Variants in GRIP1 observed in about 807,000 individuals in gnomAD.
GRIP1 encodes glutamate receptor interacting protein 1.
GRIP1 carries 45 observed loss-of-function variants against 129.9 expected under a neutral mutation model. The ratio of observed to expected loss-of-function variants is 0.35; its 90% confidence interval spans 0.27 to 0.44. The LOEUF is 0.44. GRIP1 is among the 20% of genes least tolerant of loss of function. The probability of loss-of-function intolerance (pLI) is 1.00; values close to 1 mark genes in which losing one functional copy is unlikely to be tolerated. For missense variants in GRIP1, 1,196 were observed against 1,396.8 expected (o/e 0.86, Z 2.29); for synonymous variants, 530 against 520.8 (o/e 1.02, Z -0.24).
chr12:66,593,664 C>T, intron 2 of GRIP1, among the ~76,000 whole-genome samples: 1 of 152,084 alleles, frequency 6.6e-6, no homozygotes, highest in East Asian at 1.9e-4. Flanking sequence ...TGCATTCCAC[C>T]CCATTCATCA....
intron 1 of GRIP1, among the ~76,000 whole-genome samples, chr12:66,649,911 C>T (rs991123232): frequency 6.6e-6 from 1 of 152,080 alleles, no homozygotes; most frequent in Non-Finnish European, 1.5e-5. Flanking sequence ...TGTTATGAAC[C>T]AAAGTGGTGT....
At chr12:66,958,184 C>T (rs1005355667) in intron 1 of GRIP1, among the ~76,000 whole-genome samples, 6 of 152,140 alleles carry the variant, frequency 3.9e-5, no homozygotes, top group Non-Finnish European at 8.8e-5. Context: ...CTGTCACCCA[C>T]GCTACAGTGC....
At chr12:66,526,461 A>G (rs1157233749) in intron 5 of GRIP1, among the ~76,000 whole-genome samples, 2 of 152,072 alleles carry the variant, frequency 1.3e-5, no homozygotes, top group Non-Finnish European at 2.9e-5. Flanking sequence ...GGTGCTGGGA[A>G]AACTGGCTAG....
Position 66,574,908 on chromosome 12 carries a change from A to G in GRIP1, c.136+21939T>C, listed in dbSNP as rs112705127. Among the ~76,000 whole-genome samples, 764 of 151,528 alleles carry G rather than the reference A, an allele frequency of 5.0e-3. 7 individuals are homozygous for G. Among genetic ancestry groups the G allele is most frequent in the African/African-American group, 0.018 (734 of 41,322 alleles). ...TTATGCCTCATCTTCCTGGTATAAC[A>G]GGCACCCAGCCACCATGCCCAGCTA... On this transcript the variant is annotated intron_variant, in intron 2 of 24. Coordinates refer to ENST00000359742, the MANE Select transcript of GRIP1 (RefSeq NM_001366722.1).
chr12:66,865,597 A>G lies in GRIP1; in HGVS notation c.58+203453T>C, dbSNP rs1232989757. ...TGTTCATTACTCCATCCATCCATGC[A>G]TCCATCCATCCAACCATCCATCCAT... On this transcript the variant is annotated intron_variant, in intron 1 of 1. Coordinates refer to the GRIP1 transcript ENST00000643019. Among the ~76,000 whole-genome samples, 3 of 76,280 alleles carry G rather than the reference A, an allele frequency of 3.9e-5. No homozygotes were observed. The East Asian group carries it at 7.1e-4, about 18-fold the overall frequency. The allele number at this position is 76,280 out of a possible 152,430, so 50.0% of individuals were successfully genotyped here. A position where few individuals can be genotyped will look rare whatever the true frequency, so the allele number is the denominator to read the frequency against.
At chr12:66,563,043 G>A (rs968422208) in intron 2 of GRIP1, among the ~76,000 whole-genome samples, 2 of 151,790 alleles carry the variant, frequency 1.3e-5, no homozygotes, top group Non-Finnish European at 2.9e-5. Context: ...CTATCTCGGG[G>A]GTGGCAGAGG....
At chr12:66,899,777 A>G (rs183469990) in intron 1 of GRIP1, among the ~76,000 whole-genome samples, 1 of 152,172 alleles carries the variant, frequency 6.6e-6, no homozygotes, top group East Asian at 1.9e-4. Flanking sequence ...TCCCACAACT[A>G]CTGCAATGAG....
chr12:66,657,245 G>C (rs1565946519), intron 1 of GRIP1, among the ~76,000 whole-genome samples: 1 of 151,850 alleles, frequency 6.6e-6, no homozygotes, highest in Non-Finnish European at 1.5e-5. Context: ...AGATGATGAT[G>C]AGAAGTAGCT....
chr12:66,465,414 C>G lies in GRIP1; in HGVS notation c.733G>C (p.Ala245Pro). ...EYDVSVMDSV[A>P]TASGPLLVEV... ...ACTAGTAGTGGCCCGGATGCTGTTG[C>G]CACAGAGTCTGTCAAAGAACAAATT... Residue 245 changes from alanine (A) to proline (P), a missense_variant, in exon 8 of 25, where the codon GCA (alanine) becomes CCA (proline). Transcript: ENST00000359742. 1 of 1,613,540 alleles carries G rather than the reference C, an allele frequency of 6.2e-7. No individual in the cohort carries two copies. The highest frequency in any genetic ancestry group is 8.5e-7 in the Non-Finnish European group (1 of 1,179,518).
intron 1 of GRIP1, among the ~76,000 whole-genome samples, chr12:66,787,826 C>T (rs1243608903): frequency 6.6e-6 from 1 of 152,050 alleles, no homozygotes. Flanking sequence ...AAGATACCCC[C>T]CAAAAGCAAA....
rs73333069 is a variant in GRIP1 at position 66,954,995 on chromosome 12, A to G, written c.58+114055T>C. Among the ~76,000 whole-genome samples, 573 of 152,232 alleles carry G rather than the reference A, an allele frequency of 3.8e-3. 5 individuals carry two copies. Among genetic ancestry groups the G allele is most frequent in the African/African-American group, 0.013 (555 of 41,536 alleles). ...AAAGTGCCACTTGAGCAAAGCCCCAAAGGAGATGAAGGAGTTAGCCATGAA... is the reference window on the plus strand; with the variant it reads ...AAAGTGCCACTTGAGCAAAGCCCCAGAGGAGATGAAGGAGTTAGCCATGAA... On this transcript the variant is annotated intron_variant, in intron 1 of 1. Transcript: ENST00000643019.
chr12:67,065,071 A>G (rs2135902271), intron 1 of GRIP1: 1 of 152,144 alleles, frequency 6.6e-6, no homozygotes, highest in Non-Finnish European at 1.5e-5. Context: ...GTCCCTACAA[A>G]GGACATGAAC....
intron 1 of GRIP1, among the ~76,000 whole-genome samples, chr12:67,035,914 A>C (rs1356456069): frequency 6.6e-6 from 1 of 152,192 alleles, no homozygotes; most frequent in Admixed American, 6.5e-5. Context: ...AAAAGTGAGG[A>C]AAAATGCTAC....
At chr12:66,882,202 T>TG (rs1350647655) in intron 1 of GRIP1, among the ~76,000 whole-genome samples, 5 of 69,282 alleles carry the variant, frequency 7.2e-5, no homozygotes, top group Non-Finnish European at 1.5e-4. Context: ...ACACATAGTG[T>TG]GCCATCACAA....
chr12:66,790,896 G>A (rs1178943977), intron 1 of GRIP1, among the ~76,000 whole-genome samples: 1 of 152,160 alleles, frequency 6.6e-6, no homozygotes, highest in African/African-American at 2.4e-5. Context: ...TAAGGGGAAG[G>A]AGCGGGAGGA....
At chr12:66,358,203 G>A (rs574863596) in intron 23 of GRIP1, among the ~76,000 whole-genome samples, 2 of 152,164 alleles carry the variant, frequency 1.3e-5, no homozygotes, top group South Asian at 2.1e-4. Context: ...CCTATTCAAC[G>A]CATTTCAATC....
rs1462810947 is a variant in GRIP1, at chr12:66,371,716, G to A, written c.2990C>T (p.Pro997Leu). The A allele has an allele frequency of 3.1e-6, 5 of 1,611,524 alleles. No homozygotes were observed. The highest frequency in any genetic ancestry group is 4.2e-6 in the Non-Finnish European group (5 of 1,177,586). Residue 997 changes from proline (P) to leucine (L), a missense_variant, in exon 23 of 25, where the codon CCA becomes CTA. Coordinates refer to ENST00000359742, the MANE Select transcript of GRIP1 (RefSeq NM_001366722.1). ...GACCTTGTGCAGCTCCACAGGAGTTGGAGACATGATCTCCTTTATTTCTTG... is the reference window on the plus strand; with the variant it reads ...GACCTTGTGCAGCTCCACAGGAGTTAGAGACATGATCTCCTTTATTTCTTG... ...MKQEIKEIMSPTPVELHKVTL... is the reference protein window; with the variant it reads ...MKQEIKEIMSLTPVELHKVTL...
chr12:66,666,512 T>C (rs1349424976), intron 1 of GRIP1, among the ~76,000 whole-genome samples: 2 of 152,188 alleles, frequency 1.3e-5, no homozygotes, highest in African/African-American at 4.8e-5. Context: ...ATTAAAATTC[T>C]ATCATATTAT....
chr12:66,430,669 G>C (rs986891972), intron 14 of GRIP1, among the ~76,000 whole-genome samples: 1 of 152,156 alleles, frequency 6.6e-6, no homozygotes, highest in Non-Finnish European at 1.5e-5. Context: ...GGTATTTTTA[G>C]ATGGATACTT....
Sources: allele counts gnomAD v4.1 joint callset (sites outside exome capture counted in the v4.1 genomes callset), GRCh38; gene constraint gnomAD v4.1.1; transcripts MANE v1.5; gene names NCBI Gene and HGNC (gene_info 2026-07-23, HGNC 2026-07-21).